Variants in SERPINB8 observed in about 807,000 individuals in gnomAD.
SERPINB8 encodes serpin family B member 8.
Under a neutral mutation model 35.3 loss-of-function variants are expected in SERPINB8, and 25 were observed. The observed-to-expected ratio is 0.71, with a 90% CI of 0.52 to 0.99. The LOEUF is 0.99. Among genes scored for constraint, SERPINB8 ranks in the 50% least tolerant of loss-of-function variants. SERPINB8 has a pLI of 0.00. For synonymous variants in SERPINB8, 186 were observed against 160.8 expected (o/e 1.16, Z -1.19); for missense variants, 484 against 446.5 (o/e 1.08, Z -0.76).
At chr18:63,999,957 T>C (rs1169253442) in intron 1 of SERPINB8, among the ~76,000 whole-genome samples, 2 of 152,200 alleles carry the variant, frequency 1.3e-5, no homozygotes, top group Admixed American at 6.5e-5. Flanking sequence ...TCTCTTACCA[T>C]CACTGAGGTC....
chr18:63,970,844 C>A (rs1216458150), intron 1 of SERPINB8, among the ~76,000 whole-genome samples: 1 of 151,782 alleles, frequency 6.6e-6, no homozygotes, highest in Non-Finnish European at 1.5e-5. Context: ...ATATTCTCTT[C>A]TTCATTGTCT....
rs1313742772 is a variant in SERPINB8 at position 63,986,989 on chromosome 18, T to G, written c.836T>G (p.Leu279Trp). ...PRLKLEESYD[L>W]EPFLRRLGMI... Reference sequence around the variant, plus strand: ...TTAAAGCTGGAGGAGAGTTATGACTTGGAGCCTTTCCTTCGAAGATTAGGA... The same window carrying G: ...TTAAAGCTGGAGGAGAGTTATGACTGGGAGCCTTTCCTTCGAAGATTAGGA... The change falls in exon 7 of 7, where the codon TTG (leucine) becomes TGG (tryptophan). Residue 279 changes from leucine (L) to tryptophan (W), a missense_variant. Coordinates refer to ENST00000397985, the MANE Select transcript of SERPINB8 (RefSeq NM_002640.4). The G allele has an allele frequency of 6.2e-7, 1 of 1,614,218 alleles. No individual in the cohort carries two copies. The highest frequency in any genetic ancestry group is 2.2e-5 in the East Asian group (1 of 44,874).
intron 4 of SERPINB8, among the ~76,000 whole-genome samples, chr18:63,983,194 C>T (rs1358507990): frequency 2.0e-5 from 3 of 152,110 alleles, no homozygotes; most frequent in Admixed American, 6.5e-5. Context: ...ATGACAATAG[C>T]GGTGAGGCTT....
intron 6 of SERPINB8, chr18:63,986,282 T>A: frequency 6.2e-7 from 1 of 1,610,472 alleles, no homozygotes; most frequent in South Asian, 1.1e-5. Context: ...CTTGAAGAAT[T>A]TGAAGCTAAC....
At chr18:63,983,505 A>G (rs2050703817) in intron 4 of SERPINB8, 74 bp from the exon 5 acceptor site, 2 of 1,440,406 alleles carry the variant, frequency 1.4e-6, no homozygotes, top group Admixed American at 3.4e-5. Context: ...CCTCTGCCTT[A>G]TGTGTCAAAG....
chr18:63,999,509 C>A (rs2050864743), intron 1 of SERPINB8, among the ~76,000 whole-genome samples: 1 of 152,048 alleles, frequency 6.6e-6, no homozygotes, highest in African/African-American at 2.4e-5. Context: ...TGGTGGTGAC[C>A]TTCTCCTCTC....
intron 5 of SERPINB8, among the ~76,000 whole-genome samples, chr18:63,984,825 A>G (rs1433476397): frequency 6.6e-6 from 1 of 152,018 alleles, no homozygotes; most frequent in African/African-American, 2.4e-5. Flanking sequence ...AAAAGCAAAC[A>G]CAGCTTCTTC....
At chr18:64,001,576 C>T (rs754383240) in intron 1 of SERPINB8, among the ~76,000 whole-genome samples, 2 of 152,022 alleles carry the variant, frequency 1.3e-5, no homozygotes, top group African/African-American at 2.4e-5. Flanking sequence ...CTGCAACCTC[C>T]GCCTCCTGGG....
At position 63,978,438 on chromosome 18, in the gene SERPINB8, A is replaced by C. The variant is rs567770868; in HGVS notation, c.130A>C (p.Met44Leu). 1 of 1,614,182 alleles carries C rather than the reference A, an allele frequency of 6.2e-7. No homozygotes were observed. Among genetic ancestry groups the C allele is most frequent in the Non-Finnish European group, 8.5e-7 (1 of 1,180,034 alleles). The change falls in exon 2 of 7, where the codon ATG becomes CTG. Residue 44 changes from methionine (M) to leucine (L), a missense_variant. Met to Leu is a conservative substitution (Grantham distance 15). Coordinates refer to ENST00000397985, the MANE Select transcript of SERPINB8 (RefSeq NM_002640.4). ...CTCCTCTGCCCTGGCCATGGTCTTC[A>C]TGGGGGCAAAGGGAAGCACTGCAGC... ...SISSALAMVFMGAKGSTAAQM... is the reference protein window; with the variant it reads ...SISSALAMVFLGAKGSTAAQM...
downstream of SERPINB8, chr18:64,005,796 G>A: frequency 6.6e-6 from 1 of 152,178 alleles, no homozygotes; most frequent in Admixed American, 6.5e-5. Flanking sequence ...CTAAAACAAA[G>A]GGCTGGAGAG....
intron 1 of SERPINB8, among the ~76,000 whole-genome samples, chr18:64,003,524 T>A (rs1397637630): frequency 3.6e-5 from 1 of 27,462 alleles, no homozygotes; most frequent in Non-Finnish European, 8.4e-5. Flanking sequence ...GACAAATGTG[T>A]GTGTGTGTGT....
rs372715480 is a variant in SERPINB8 at position 63,986,355 on chromosome 18, G to A, written c.721-519G>A. On this transcript the variant is annotated intron_variant, in intron 6 of 6. Coordinates refer to ENST00000397985, the MANE Select transcript of SERPINB8 (RefSeq NM_002640.4). ...AGTCTTCTTGCATTCCCCATTTCTC[G>A]TCTCATGCTCCCTTCTCATGCCTCC... is the stretch of plus-strand genomic sequence containing the variant. The A allele has an allele frequency of 6.3e-5, 101 of 1,592,788 alleles. 1 individual carries two copies. The highest frequency in any genetic ancestry group is 9.1e-5 in the East Asian group (4 of 44,098).
At chr18:64,014,601 G>A (rs935084439) in intron 7 of SERPINB8, among the ~76,000 whole-genome samples, 4 of 152,128 alleles carry the variant, frequency 2.6e-5, no homozygotes, top group Admixed American at 2.6e-4. Flanking sequence ...TCCTTTCACT[G>A]TGATCATCCT....
intron 7 of SERPINB8, among the ~76,000 whole-genome samples, chr18:64,015,172 A>T (rs1031238304): frequency 1.3e-5 from 2 of 152,110 alleles, no homozygotes; most frequent in African/African-American, 4.8e-5. Context: ...TTCAGAGAGC[A>T]TCGGCCTGCC....
chr18:64,009,616 G>T (rs2144848572), downstream of SERPINB8, among the ~76,000 whole-genome samples: 1 of 152,312 alleles, frequency 6.6e-6, no homozygotes. Flanking sequence ...AGTGTAGTGT[G>T]CTGGGAAAAC....
At chr18:64,018,338 T>C (rs1318033766) in intron 7 of SERPINB8, among the ~76,000 whole-genome samples, 1 of 152,166 alleles carries the variant, frequency 6.6e-6, no homozygotes, top group Admixed American at 6.5e-5. Context: ...GTGCTTTGAA[T>C]GGAAACAAAA....
chr18:63,978,301 C>T lies in SERPINB8; in HGVS notation c.-8C>T, dbSNP rs781161505. ...TCCCTGCTGTGCCTTTGATGCAGACCTTCTCTGATGGATGACCTCTGTGAA... is the reference window on the plus strand; with the variant it reads ...TCCCTGCTGTGCCTTTGATGCAGACTTTCTCTGATGGATGACCTCTGTGAA... On this transcript the variant is annotated splice_region_variant and 5_prime_UTR_variant, in exon 2 of 7. Coordinates refer to ENST00000397985, the MANE Select transcript of SERPINB8 (RefSeq NM_002640.4). 6.2e-7 allele frequency: 1 copy of T among 1,614,172 alleles called. No homozygotes were observed. The highest frequency in any genetic ancestry group is 1.1e-5 in the South Asian group (1 of 91,086).
intron 1 of SERPINB8, among the ~76,000 whole-genome samples, chr18:64,004,630 T>C (rs907685707): frequency 6.6e-6 from 1 of 152,220 alleles, no homozygotes; most frequent in African/African-American, 2.4e-5. Context: ...TATTTCAGAA[T>C]ATTTGGAAAT....
In SERPINB8 at chr18:63,985,362, T is replaced by A. The variant is rs1254188921; in HGVS notation, c.720+117T>A. On this transcript the variant is annotated intron_variant, in intron 6 of 6. Coordinates refer to ENST00000397985, the MANE Select transcript of SERPINB8 (RefSeq NM_002640.4). ...CAGTTGGGGTTATTACAGGCAGTGC[T>A]GGGTGAACATCATTGTGTGTCTTTT... The A allele has an allele frequency of 4.7e-6, 5 of 1,056,450 alleles. No homozygotes were observed. In the South Asian group the frequency reaches 7.8e-5, roughly 17 times the overall value. The allele number at this position is 1,056,450 out of a possible 1,614,324, so 65.4% of individuals were successfully genotyped here.
Sources: gnomAD v4.1 joint callset for allele counts (sites outside exome capture counted in the v4.1 genomes callset) on GRCh38, gnomAD v4.1.1 for gene constraint, MANE v1.5 for transcripts, NCBI Gene and HGNC (gene_info 2026-07-23, HGNC 2026-07-21) for gene names.